LAPTM4B: variants seen among roughly 807,000 people sequenced by gnomAD.
LAPTM4B encodes lysosomal-associated transmembrane protein 4B.
In LAPTM4B, 26 loss-of-function variants were observed where a neutral mutation model predicts 28.5. The observed-to-expected ratio is 0.91, with a 90% CI of 0.67 to 1.27. LAPTM4B has a LOEUF of 1.27. Among genes scored for constraint, LAPTM4B ranks in the 50% most tolerant of loss-of-function variants. LAPTM4B has a pLI of 0.00. For missense variants in LAPTM4B, 288 were observed against 285.8 expected, an observed-to-expected ratio of 1.01 and a Z score of -0.06; for synonymous variants, 109 against 106.4, an observed-to-expected ratio of 1.02 and a Z score of -0.15.
intron 1 of LAPTM4B, among the ~76,000 whole-genome samples, chr8:97,796,713 G>A (rs1440010213): frequency 1.3e-5 from 2 of 152,114 alleles, no homozygotes; most frequent in Non-Finnish European, 1.5e-5. Flanking sequence ...GCTGTGGTGG[G>A]CAGATCACCT....
chr8:97,815,102 T>C (rs1816886402), intron 2 of LAPTM4B, among the ~76,000 whole-genome samples: 1 of 152,182 alleles, frequency 6.6e-6, no homozygotes, highest in Non-Finnish European at 1.5e-5. Context: ...TATAAAGTAA[T>C]ACCTAATTCA....
intron 1 of LAPTM4B, among the ~76,000 whole-genome samples, chr8:97,804,618 A>G (rs941086549): frequency 6.6e-6 from 1 of 152,346 alleles, no homozygotes; most frequent in Middle Eastern, 3.4e-3. Context: ...GAGATTCCAC[A>G]TAAAGCACTT....
At chr8:97,788,509 G>A (rs1005681245) in intron 1 of LAPTM4B, among the ~76,000 whole-genome samples, 5 of 151,984 alleles carry the variant, frequency 3.3e-5, no homozygotes, top group African/African-American at 1.2e-4. Context: ...TGGCCTCCCA[G>A]AAGTGCTGAG....
At chr8:97,827,369 G>A (rs4735506) in intron 6 of LAPTM4B, among the ~76,000 whole-genome samples, 71,533 of 152,098 alleles carry the variant, frequency 0.47, 17,100 homozygotes, top group East Asian at 0.58. Flanking sequence ...CTTCCTTAGG[G>A]ATAGCTGAAC....
At chr8:97,807,201 TATC>T (rs1816768536) in intron 2 of LAPTM4B, among the ~76,000 whole-genome samples, 1 of 152,198 alleles carries the variant, frequency 6.6e-6, no homozygotes, top group African/African-American at 2.4e-5. Context: ...GCTAGTGACT[TATC>T]ATTGTGTGCC....
intron 4 of LAPTM4B, 72 bp downstream of exon 4, chr8:97,816,252 T>C: frequency 7.1e-7 from 1 of 1,402,264 alleles, no homozygotes; most frequent in Non-Finnish European, 9.8e-7. Context: ...AAGGGATGTG[T>C]AGAGATACAC....
At chr8:97,826,908 C>G (rs1316695296) in intron 6 of LAPTM4B, among the ~76,000 whole-genome samples, 1 of 152,094 alleles carries the variant, frequency 6.6e-6, no homozygotes, top group East Asian at 1.9e-4. Context: ...AATTAGTGTT[C>G]TACTGAACTA....
chr8:97,850,315 T>C (rs1014177593), intron 6 of LAPTM4B, among the ~76,000 whole-genome samples: 4 of 151,750 alleles, frequency 2.6e-5, no homozygotes, highest in African/African-American at 9.7e-5. Context: ...CCGGCCTAAG[T>C]GGCACCTCCG....
intron 1 of LAPTM4B, 29 bp from the exon 2 acceptor site, chr8:97,805,324 C>CTTTTTTTT (rs386413439): frequency 7.7e-5 from 65 of 843,586 alleles, no homozygotes; most frequent in Admixed American, 2.3e-4. Context: ...TACTTAAATT[C>CTTTTTTTT]TTTTTTTTTT....
At chr8:97,809,456 T>G (rs1816796675) in intron 2 of LAPTM4B, among the ~76,000 whole-genome samples, 1 of 152,172 alleles carries the variant, frequency 6.6e-6, no homozygotes, top group Admixed American at 6.5e-5. Context: ...TCCCAGCACT[T>G]TGGGAGGCCA....
chr8:97,817,154 G>A (rs1022836208), intron 4 of LAPTM4B, among the ~76,000 whole-genome samples: 8 of 151,966 alleles, frequency 5.3e-5, no homozygotes, highest in African/African-American at 1.9e-4. Context: ...ATTTATTTTT[G>A]GGACAGGGTC....
At chr8:97,782,681 C>A (rs1299449622) in intron 1 of LAPTM4B, among the ~76,000 whole-genome samples, 1 of 151,184 alleles carries the variant, frequency 6.6e-6, no homozygotes. Context: ...CCTGATCCAC[C>A]TGCTTCGGCC....
At chr8:97,821,605 A>T (rs1287277524) in intron 5 of LAPTM4B, among the ~76,000 whole-genome samples, 1 of 151,716 alleles carries the variant, frequency 6.6e-6, no homozygotes, top group Non-Finnish European at 1.5e-5. Flanking sequence ...CGTAGCTGTG[A>T]CGGTTTTGCA....
rs116573195 is a variant in LAPTM4B at position 97,805,407 on chromosome 8, C to G, written c.154C>G (p.Gln52Glu). 1.8e-5 allele frequency: 29 copies of G among 1,605,132 alleles called. No homozygotes were observed. The African/African-American group carries it at 3.6e-4, about 20-fold the overall frequency. Residue 52 changes from glutamine to glutamate, a missense_variant, in exon 2 of 7, where the codon CAG (glutamine) becomes GAG (glutamate). Physicochemically the swap from Gln to Glu is conservative, Grantham distance 29 (BLOSUM62 2). Transcript: ENST00000521545. The part of the protein sequence containing the change: ...ILLSALADPD[Q>E]YNFSSSELGG... ...ATTGAGTGCCCTGGCTGATCCGGAT[C>G]AGTATAACTTTTCAAGTTCTGAACT...
intron 1 of LAPTM4B, among the ~76,000 whole-genome samples, chr8:97,799,094 G>A (rs1418348092): frequency 6.6e-6 from 1 of 152,096 alleles, no homozygotes; most frequent in Non-Finnish European, 1.5e-5. Flanking sequence ...GAAAGGTCTT[G>A]GGGTTCCAAC....
At chr8:97,784,237 C>T (rs1426841254) in intron 1 of LAPTM4B, among the ~76,000 whole-genome samples, 3 of 152,028 alleles carry the variant, frequency 2.0e-5, no homozygotes, top group Admixed American at 6.6e-5. Flanking sequence ...TGACTTGGCC[C>T]GTAATTTCAG....
chr8:97,830,506 T>C (rs1024583196), intron 6 of LAPTM4B, among the ~76,000 whole-genome samples: 2 of 152,090 alleles, frequency 1.3e-5, no homozygotes, highest in Non-Finnish European at 2.9e-5. Flanking sequence ...AGACATTAAG[T>C]AGTGGGGTGG....
chr8:97,809,967 C>T (rs779483541), intron 2 of LAPTM4B, among the ~76,000 whole-genome samples: 9 of 152,096 alleles, frequency 5.9e-5, no homozygotes, highest in Non-Finnish European at 1.3e-4. Flanking sequence ...CACTCTGTCA[C>T]CAGGCTGGAG....
At chr8:97,786,423 G>T (rs1010549983) in intron 1 of LAPTM4B, among the ~76,000 whole-genome samples, 8 of 112,262 alleles carry the variant, frequency 7.1e-5, no homozygotes, top group South Asian at 5.8e-4. Context: ...AAAAAACAAG[G>T]CCGGGTGTGG....
Sources: gnomAD v4.1 joint callset for allele counts (sites outside exome capture counted in the v4.1 genomes callset) on GRCh38, gnomAD v4.1.1 for gene constraint, MANE v1.5 for transcripts, NCBI Gene and HGNC (gene_info 2026-07-23, HGNC 2026-07-21) for gene names.